The following GRIA3 variants were observed in gnomAD, a reference collection of about 807,000 sequenced individuals.
GRIA3 encodes the protein glutamate receptor 3.
Under a neutral mutation model 63.0 loss-of-function variants are expected in GRIA3, and 3 were observed. The ratio of observed to expected loss-of-function variants is 0.05; its 90% CI spans 0.02 to 0.12. The LOEUF (loss-of-function observed/expected upper bound fraction) is 0.12. Among genes scored for constraint, GRIA3 ranks in the 10% least tolerant of loss-of-function variants. The probability of loss-of-function intolerance (pLI) is 1.00; values close to 1 mark genes in which losing one functional copy is unlikely to be tolerated. For synonymous variants in GRIA3, 274 were observed against 257.9 expected, an observed-to-expected ratio of 1.06 and a Z score of -0.60; for missense variants, 347 against 700.9, an observed-to-expected ratio of 0.50 and a Z score of 5.70.
At chrX:123,230,586 A>T (rs1487588135) in intron 2 of GRIA3, among the ~76,000 whole-genome samples, 1 of 111,432 alleles carries the variant, frequency 9.0e-6, no homozygotes, top group Non-Finnish European at 1.9e-5. Context: ...GCTCTGCTTC[A>T]GATCATTCTA....
intron 4 of GRIA3, among the ~76,000 whole-genome samples, chrX:123,327,625 A>T (rs1018427002): frequency 1.3e-4 from 15 of 111,187 alleles, no homozygotes; most frequent in African/African-American, 4.9e-4. Flanking sequence ...GACGGAAGGA[A>T]GGGAGGAAAG....
intron 12 of GRIA3, among the ~76,000 whole-genome samples, chrX:123,463,266 G>A (rs758205365): frequency 9.1e-6 from 1 of 109,921 alleles, no homozygotes; most frequent in South Asian, 4.0e-4. Flanking sequence ...AGAAAATAAT[G>A]CTCCAGGTCA....
At chrX:123,463,997 G>A (rs763879985) in intron 12 of GRIA3, among the ~76,000 whole-genome samples, 4 of 111,005 alleles carry the variant, frequency 3.6e-5, no homozygotes, top group Admixed American at 9.6e-5. Context: ...ATGTGCCTAC[G>A]AGTGGAAAAC....
In GRIA3 at chrX:123,489,711, T is replaced by G. The variant is rs2045959472; in HGVS notation, c.*1001T>G. 1 of 112,310 alleles carries G rather than the reference T, an allele frequency of 8.9e-6. No homozygotes were observed. The highest frequency in any genetic ancestry group is 1.9e-5 in the Non-Finnish European group (1 of 53,210). The allele number at this position is 112,310 out of a possible 1,213,427, so 9.3% of individuals were successfully genotyped here. ...AACAACACTGTGTTTAGCTCGGCTT[T>G]CTCTGCTAAGTATGCCTTTCAAGTG... On this transcript the variant is annotated 3_prime_UTR_variant, in exon 16 of 16. Coordinates refer to ENST00000620443, the MANE Select transcript of GRIA3 (RefSeq NM_007325.5).
At chrX:123,199,360 G>T (rs1453808340) in intron 2 of GRIA3, among the ~76,000 whole-genome samples, 1 of 104,337 alleles carries the variant, frequency 9.6e-6, no homozygotes, top group Non-Finnish European at 2.0e-5. Context: ...CCGAAACCTG[G>T]GTTATGACCA....
chrX:123,264,437 A>C (rs1462445518), intron 3 of GRIA3, among the ~76,000 whole-genome samples: 1 of 111,307 alleles, frequency 9.0e-6, no homozygotes, highest in Non-Finnish European at 1.9e-5. Flanking sequence ...AATGAGGGAA[A>C]GGGGAGGGAG....
rs147390290 is a variant in GRIA3 at position 123,345,096 on chromosome X, A to C, written c.697-9814A>C. On this transcript the variant is annotated intron_variant, in intron 4 of 15. Coordinates refer to ENST00000620443, the MANE Select transcript of GRIA3 (RefSeq NM_007325.5). The stretch of plus-strand genomic sequence containing the variant: ...TCCATGTAGACTTGGCCTCAAGGGA[A>C]TGTAGATTATGTTCCTTAGTGCTAT... Among the ~76,000 whole-genome samples the C allele has an allele frequency of 1.4e-3, 156 of 110,948 alleles. 1 individual carries two copies. The highest frequency in any genetic ancestry group is 4.8e-3 in the African/African-American group (146 of 30,457).
At chrX:123,451,513 A>C in intron 12 of GRIA3, among the ~76,000 whole-genome samples, 1 of 92,222 alleles carries the variant, frequency 1.1e-5, no homozygotes, top group Admixed American at 1.2e-4. Context: ...TCTAAAAAAA[A>C]AAAAAAAAAA....
chrX:123,455,425 T>C (rs917571254), intron 12 of GRIA3, among the ~76,000 whole-genome samples: 9 of 112,368 alleles, frequency 8.0e-5, no homozygotes, highest in African/African-American at 1.9e-4. Flanking sequence ...TCCTTTACTT[T>C]AGGGGGAAAA....
chrX:123,224,391 C>T (rs1200418277), intron 2 of GRIA3, among the ~76,000 whole-genome samples: 1 of 111,763 alleles, frequency 8.9e-6, no homozygotes, highest in East Asian at 2.8e-4. Flanking sequence ...ACCCAACAGA[C>T]ACTTATCCCC....
At chrX:123,319,946 A>G (rs2044857232) in intron 3 of GRIA3, among the ~76,000 whole-genome samples, 1 of 111,938 alleles carries the variant, frequency 8.9e-6, no homozygotes, top group Admixed American at 9.5e-5. Flanking sequence ...AAACAAAACA[A>G]AGCCCAGGAA....
intron 3 of GRIA3, among the ~76,000 whole-genome samples, chrX:123,292,078 C>T (rs2044659249): frequency 1.8e-5 from 2 of 110,952 alleles, no homozygotes; most frequent in Non-Finnish European, 3.8e-5. Flanking sequence ...TTTTTCCTAG[C>T]CACCAAGCTG....
intron 11 of GRIA3, among the ~76,000 whole-genome samples, chrX:123,420,377 A>T (rs191603082): frequency 9.5e-4 from 106 of 111,245 alleles, no homozygotes; most frequent in Non-Finnish European, 1.8e-3. Flanking sequence ...GCTTTTCTCA[A>T]TCTGCTTGAT....
At chrX:123,429,514 C>T (rs2045606760) in intron 12 of GRIA3, among the ~76,000 whole-genome samples, 1 of 111,902 alleles carries the variant, frequency 8.9e-6, no homozygotes, top group East Asian at 2.8e-4. Context: ...ACCCTCACTA[C>T]TATGGCAGTC....
At chrX:123,254,632 C>A (rs1224022464) in intron 3 of GRIA3, among the ~76,000 whole-genome samples, 1 of 112,108 alleles carries the variant, frequency 8.9e-6, no homozygotes, top group Non-Finnish European at 1.9e-5. Context: ...CCAGAACACT[C>A]TTCACTTTAC....
intron 4 of GRIA3, among the ~76,000 whole-genome samples, chrX:123,352,554 T>G (rs1383346508): frequency 8.9e-6 from 1 of 111,791 alleles, no homozygotes; most frequent in Non-Finnish European, 1.9e-5. Context: ...ACAACACTGA[T>G]GTCTTCTATT....
chrX:123,363,761 T>G (rs754871577), intron 5 of GRIA3, among the ~76,000 whole-genome samples: 9 of 112,678 alleles, frequency 8.0e-5, no homozygotes, highest in South Asian at 3.6e-4. Flanking sequence ...TTATGAAATA[T>G]AGCAGAACCT....
chrX:123,274,826 A>G (rs980740549), intron 3 of GRIA3, among the ~76,000 whole-genome samples: 4 of 111,572 alleles, frequency 3.6e-5, no homozygotes, highest in Non-Finnish European at 7.5e-5. Flanking sequence ...TGAAGTGGAG[A>G]ATGTTTACAA....
At position 123,308,778 on chromosome X, in the gene GRIA3, G is replaced by A. The variant is rs185938314; in HGVS notation, c.509-17248G>A. On this transcript the variant is annotated intron_variant, in intron 3 of 15. Transcript: ENST00000620443. ...ATAGTGGTTCTGGATGGCTGCTGCC[G>A]CCACATCACTCATGCTGTGATCTGC... 6.3e-5 allele frequency among the ~76,000 whole-genome samples: 7 copies of A among 111,865 alleles called. No homozygotes were observed. In the East Asian group the frequency reaches 1.4e-3, roughly 23 times the overall value.
Sources: allele counts gnomAD v4.1 joint callset (sites outside exome capture counted in the v4.1 genomes callset), GRCh38; gene constraint gnomAD v4.1.1; transcripts MANE v1.5; gene names NCBI Gene and HGNC (gene_info 2026-07-23, HGNC 2026-07-21).